The following PHLDB2 variants were observed in gnomAD, a reference collection of about 807,000 sequenced individuals.
The protein encoded by PHLDB2 is pleckstrin homology-like domain family B member 2.
A neutral mutation model predicts 123.6 loss-of-function variants in PHLDB2; 71 were observed. The ratio of observed to expected loss-of-function variants is 0.57; its 90% CI spans 0.47 to 0.70. The LOEUF is 0.70. PHLDB2 is among the 30% of genes least tolerant of loss of function. PHLDB2 has a pLI of 0.00. For missense variants in PHLDB2, 1,446 were observed against 1,519.5 expected, an observed-to-expected ratio of 0.95 and a Z score of 0.80; for synonymous variants, 547 against 541.6, an observed-to-expected ratio of 1.01 and a Z score of -0.14.
rs1487992091 is a variant in PHLDB2 at position 111,752,556 on chromosome 3, T to C, written c.-49+19853T>C. Among the ~76,000 whole-genome samples, 4 of 151,886 alleles carry C rather than the reference T, an allele frequency of 2.6e-5. No homozygotes were observed. In the East Asian group the frequency reaches 7.7e-4, roughly 29 times the overall value. On this transcript the variant is annotated intron_variant, in intron 1 of 17. Coordinates refer to the PHLDB2 transcript ENST00000393923. ...AAATGCATCTATTTTGCTGTTAGTA[T>C]ATAAATGTCAGAATCAGAGTTTACT...
intron 1 of PHLDB2, among the ~76,000 whole-genome samples, chr3:111,736,571 G>A (rs183936115): frequency 5.9e-5 from 9 of 152,186 alleles, no homozygotes; most frequent in Non-Finnish European, 1.0e-4. Flanking sequence ...AAATATTCAC[G>A]CAGTTCCCTG....
intron 2 of PHLDB2, among the ~76,000 whole-genome samples, chr3:111,906,153 T>C (rs1481393377): frequency 1.3e-5 from 2 of 152,238 alleles, no homozygotes; most frequent in Non-Finnish European, 2.9e-5. Context: ...CAATAAACTA[T>C]TACAATATAG....
At chr3:111,964,314 C>T (rs2071608145) in intron 13 of PHLDB2, among the ~76,000 whole-genome samples, 1 of 151,898 alleles carries the variant, frequency 6.6e-6, no homozygotes, top group South Asian at 2.1e-4. Context: ...CAAAAGGTAA[C>T]TACATGAGGT....
intron 1 of PHLDB2, among the ~76,000 whole-genome samples, chr3:111,763,646 AT>A (rs2060031599): frequency 6.6e-6 from 1 of 152,150 alleles, no homozygotes; most frequent in African/African-American, 2.4e-5. Context: ...CCAGAAATTC[AT>A]GTTTTGAGAT....
At position 111,928,401 on chromosome 3, in the gene PHLDB2, TG is replaced by T. The variant is rs902295127; in HGVS notation, c.2002-3867del. Among the ~76,000 whole-genome samples, 77 of 152,332 alleles carry T rather than the reference TG, an allele frequency of 5.1e-4. 1 individual carries two copies. The highest frequency in any genetic ancestry group is 6.8e-3 in the Middle Eastern group (2 of 294). Reference sequence around the variant, plus strand: ...CTAAGTCAATGGGTCTCAACCTGGCTGCATATCAGAAAACCTGGAGAGATTT... The same window carrying T: ...CTAAGTCAATGGGTCTCAACCTGGCTCATATCAGAAAACCTGGAGAGATTT... On this transcript the variant is annotated intron_variant, in intron 5 of 17. Transcript: ENST00000431670.
At chr3:111,834,226 A>ATTATATATG (rs2063267487) in intron 1 of PHLDB2, among the ~76,000 whole-genome samples, 2 of 92,994 alleles carry the variant, frequency 2.2e-5, no homozygotes, top group South Asian at 3.7e-4. Flanking sequence ...AATTATATAT[A>ATTATATATG]TATTATGTAT....
chr3:111,921,004 A>G (rs1370729700), intron 5 of PHLDB2, among the ~76,000 whole-genome samples: 1 of 152,244 alleles, frequency 6.6e-6, no homozygotes, highest in East Asian at 1.9e-4. Context: ...AGAGAAAGCT[A>G]TCTGTGAAAC....
rs1419979236 is a variant in PHLDB2 at position 111,821,373 on chromosome 3, A to G, written c.-48-24448A>G. Among the ~76,000 whole-genome samples the G allele has an allele frequency of 3.9e-5, 6 of 152,306 alleles. No homozygotes were observed. The East Asian group carries it at 1.2e-3, about 29-fold the overall frequency. ...TGGATGAGAGACAGAAGTGGGAGAG[A>G]CAGACAGAGAGAGATTTATTTTAAG... On this transcript the variant is annotated intron_variant, in intron 1 of 17. Transcript: ENST00000393923.
intron 1 of PHLDB2, among the ~76,000 whole-genome samples, chr3:111,816,346 G>A (rs116829291): frequency 0.046 from 6,997 of 152,228 alleles, 228 homozygotes; most frequent in Admixed American, 0.083. Context: ...ATGACAGCCC[G>A]TAAAGGGAGC....
In PHLDB2 at chr3:111,884,622, G is replaced by A; in HGVS notation, c.545G>A (p.Gly182Glu). The part of the protein sequence containing the change: ...ASGSLLAMWN[G>E]SSLSDAGPPP... ...GGCTCGCTCCTGGCCATGTGGAATG[G>A]AAGTTCCCTGAGTGATGCTGGCCCG... Residue 182 changes from glycine (G) to glutamate (E), a missense_variant, in exon 2 of 18, where the codon GGA becomes GAA. Around this residue, in one of 3 missense-constraint regions of PHLDB2, gnomAD observed 832 missense variants for 831.9 expected, o/e 1.00. Coordinates refer to ENST00000431670, the MANE Select transcript of PHLDB2 (RefSeq NM_001134438.2). 6.2e-7 allele frequency: 1 copy of A among 1,614,136 alleles called. No homozygotes were observed. Among genetic ancestry groups the A allele is most frequent in the South Asian group, 1.1e-5 (1 of 91,074 alleles).
At chr3:111,734,441 A>G (rs1341329666) in intron 1 of PHLDB2, among the ~76,000 whole-genome samples, 1 of 152,264 alleles carries the variant, frequency 6.6e-6, no homozygotes, top group East Asian at 1.9e-4. Flanking sequence ...AAATTTATGC[A>G]TTGGCCATAT....
intron 1 of PHLDB2, among the ~76,000 whole-genome samples, chr3:111,785,733 C>A (rs1314814585): frequency 6.6e-6 from 1 of 152,042 alleles, no homozygotes; most frequent in Non-Finnish European, 1.5e-5. Context: ...AGAAGGAAGT[C>A]ATAATTCTAC....
At chr3:111,859,603 G>A in intron 1 of PHLDB2, 27 bp downstream of exon 1, 1 of 985,456 alleles carries the variant, frequency 1.0e-6, no homozygotes, top group Non-Finnish European at 1.2e-6. Flanking sequence ...GGTCGCCCGG[G>A]AGGAGGGGGT....
chr3:111,938,792 TC>T (rs202218383), intron 6 of PHLDB2, among the ~76,000 whole-genome samples: 4,137 of 148,182 alleles, frequency 0.028, 123 homozygotes, highest in South Asian at 0.13. Context: ...TCCTTTCCTT[TC>T]CTTTCTTTCT....
chr3:111,852,436 T>C (rs1001633814), intron 2 of PHLDB2, among the ~76,000 whole-genome samples: 2 of 149,932 alleles, frequency 1.3e-5, no homozygotes, highest in African/African-American at 4.9e-5. Flanking sequence ...TAATTATCTT[T>C]ATACATAATA....
At chr3:111,734,821 A>G (rs1241442520) in intron 1 of PHLDB2, among the ~76,000 whole-genome samples, 1 of 152,206 alleles carries the variant, frequency 6.6e-6, no homozygotes, top group African/African-American at 2.4e-5. Context: ...TTGGAGGGTC[A>G]CTGAGGTAAG....
chr3:111,901,479 T>A (rs944073761), intron 2 of PHLDB2, among the ~76,000 whole-genome samples: 1 of 152,158 alleles, frequency 6.6e-6, no homozygotes, highest in African/African-American at 2.4e-5. Flanking sequence ...ATGCAGACTT[T>A]CCTAGTTCTT....
At chr3:111,804,383 A>C (rs2061492143) in intron 1 of PHLDB2, among the ~76,000 whole-genome samples, 1 of 152,230 alleles carries the variant, frequency 6.6e-6, no homozygotes. Context: ...TTAGAGGTAG[A>C]AAACTTTGGC....
intron 1 of PHLDB2, among the ~76,000 whole-genome samples, chr3:111,825,725 G>A (rs929428899): frequency 5.9e-5 from 9 of 152,188 alleles, no homozygotes; most frequent in Non-Finnish European, 1.0e-4. Context: ...TGGGATTGCC[G>A]GGGTGAGCCA....
Sources: allele counts gnomAD v4.1 joint callset (sites outside exome capture counted in the v4.1 genomes callset), GRCh38; gene constraint gnomAD v4.1.1; regional missense constraint gnomAD v4.1.1; transcripts MANE v1.5; gene names NCBI Gene and HGNC (gene_info 2026-07-23, HGNC 2026-07-21).